Variants in NUP50 observed in about 807,000 individuals in gnomAD.
The protein encoded by NUP50 is nucleoporin 50.
In NUP50, 14 loss-of-function variants were observed where a neutral mutation model predicts 36.8. That is an observed-to-expected ratio of 0.38 (90% CI 0.25 to 0.59). NUP50 has a LOEUF of 0.59. Ranked by LOEUF, NUP50 falls within the 20% of genes least tolerant of loss-of-function variation. NUP50 has a pLI of 0.63. For synonymous variants in NUP50, 195 were observed against 210.8 expected, an observed-to-expected ratio of 0.93 and a Z score of 0.65; for missense variants, 455 against 564.6, an observed-to-expected ratio of 0.81 and a Z score of 1.97.
rs762532625 is a variant in NUP50, at chr22:45,184,637, G to A, written c.1389G>A (p.Leu463=). 7 of 1,612,634 alleles carry A rather than the reference G, an allele frequency of 4.3e-6. No individual in the cohort carries two copies. In the East Asian group the frequency reaches 1.3e-4, roughly 31 times the overall value. ...CAGACGAGTTGCACAAAATTTTACT[G>A]GAGAAAAAGGATGCCTGAACACGCA... ...EDADELHKIL[L]EKKDA is the part of the protein sequence containing the mutation. Residue 463 remains leucine (L), a synonymous_variant, in exon 8 of 8, where the codon CTG becomes CTA. Coordinates refer to ENST00000347635, the MANE Select transcript of NUP50 (RefSeq NM_007172.4).
In NUP50 at chr22:45,165,185, A is replaced by C. The variant is rs184939219; in HGVS notation, c.-11+889A>C. ...TCTCCCACCACGTTGCTTCATACCT[A>C]GAAATCATGTCTAATTTGGTTTTTT... On this transcript the variant is annotated intron_variant, in intron 1 of 7. Coordinates refer to ENST00000347635, the MANE Select transcript of NUP50 (RefSeq NM_007172.4). Among the ~76,000 whole-genome samples the C allele has an allele frequency of 2.2e-4, 33 of 152,298 alleles. 1 individual carries two copies. The highest frequency in any genetic ancestry group is 1.3e-4 in the Non-Finnish European group (9 of 68,024).
chr22:45,176,232 G>T, intron 4 of NUP50, 152 bp downstream of exon 4: 1 of 828,964 alleles, frequency 1.2e-6, no homozygotes, highest in Non-Finnish European at 1.8e-6. Flanking sequence ...GGGAGGTGTC[G>T]GTTACTTACA....
intron 4 of NUP50, among the ~76,000 whole-genome samples, chr22:45,177,289 TC>T (rs2147688970): frequency 6.6e-6 from 1 of 152,180 alleles, no homozygotes; most frequent in African/African-American, 2.4e-5. Flanking sequence ...CAAGTGATCC[TC>T]CCCCATCAGC....
intron 3 of NUP50, among the ~76,000 whole-genome samples, chr22:45,173,438 T>C (rs2074229196): frequency 6.6e-6 from 1 of 151,904 alleles, no homozygotes; most frequent in African/African-American, 2.4e-5. Context: ...TGATGGCTCT[T>C]TCACTGGGAA....
At chr22:45,172,577 G>A (rs1008515027) in intron 3 of NUP50, among the ~76,000 whole-genome samples, 1 of 151,754 alleles carries the variant, frequency 6.6e-6, no homozygotes, top group African/African-American at 2.4e-5. Flanking sequence ...TCTCCTTAAG[G>A]GACATGCAAG....
At chr22:45,166,683 A>G (rs987381544) in intron 1 of NUP50, among the ~76,000 whole-genome samples, 7 of 150,128 alleles carry the variant, frequency 4.7e-5, no homozygotes, top group African/African-American at 1.2e-4. Context: ...AAAATTGCCA[A>G]AAAGAATCCG....
intron 1 of NUP50, among the ~76,000 whole-genome samples, chr22:45,167,775 T>C (rs132861): frequency 0.74 from 112,742 of 152,194 alleles, 42,356 homozygotes; most frequent in East Asian, 0.99. Flanking sequence ...AATTATTTTC[T>C]TTATGACAAG....
chr22:45,173,030 G>A (rs2074221206), intron 3 of NUP50, among the ~76,000 whole-genome samples: 1 of 152,056 alleles, frequency 6.6e-6, no homozygotes, highest in South Asian at 2.1e-4. Context: ...CTCTTTCTCT[G>A]CTCCATTGCA....
intron 2 of NUP50, among the ~76,000 whole-genome samples, chr22:45,169,584 CTT>C (rs2074152508): frequency 1.3e-5 from 2 of 152,304 alleles, no homozygotes; most frequent in African/African-American, 4.8e-5. Context: ...TAATATTACT[CTT>C]TGTTGTACTA....
chr22:45,184,824 C>A lies in NUP50; in HGVS notation c.*169C>A, dbSNP rs2074444672. On this transcript the variant is annotated 3_prime_UTR_variant, in exon 8 of 8. Coordinates refer to ENST00000347635, the MANE Select transcript of NUP50 (RefSeq NM_007172.4). ...AATAAAACCTTTAAATGTTAAGTGT[C>A]AAGAAACTGCACTCTCCCTTCTTAA... 1.6e-6 allele frequency: 1 copy of A among 621,178 alleles called. No homozygotes were observed. The highest frequency in any genetic ancestry group is 3.0e-5 in the Admixed American group (1 of 33,872). 38.5% of individuals were successfully genotyped at this position (621,178 alleles called of 1,614,324 possible).
chr22:45,184,232 G>A (rs1033979940), intron 7 of NUP50: 25 of 562,298 alleles, frequency 4.4e-5, no homozygotes, highest in South Asian at 3.8e-4. Flanking sequence ...GCAGAGACCC[G>A]GGCTGGAGGG....
intron 4 of NUP50, 79 bp from the exon 5 acceptor site, chr22:45,178,159 G>A: frequency 7.7e-7 from 1 of 1,291,354 alleles, no homozygotes; most frequent in South Asian, 1.4e-5. Flanking sequence ...CAGAAAGTAT[G>A]AAGGCAGAGT....
At chr22:45,165,691 ATTC>A (rs747321954) in intron 1 of NUP50, among the ~76,000 whole-genome samples, 24 of 152,260 alleles carry the variant, frequency 1.6e-4, no homozygotes, top group Admixed American at 7.2e-4. Context: ...AATCCAAGTT[ATTC>A]TTCTTCCATG....
intron 6 of NUP50, among the ~76,000 whole-genome samples, 196 bp downstream of exon 6, chr22:45,181,563 G>A (rs541975152): frequency 7.0e-6 from 1 of 142,122 alleles, no homozygotes; most frequent in South Asian, 2.3e-4. Flanking sequence ...TGGTGGGCAG[G>A]TCTCACTCTT....
rs779308040 is a variant in NUP50 at position 45,178,671 on chromosome 22, A to G, written c.774A>G (p.Lys258=). The G allele has an allele frequency of 1.2e-6, 2 of 1,612,036 alleles. No individual in the cohort carries two copies. Among genetic ancestry groups the G allele is most frequent in the Non-Finnish European group, 1.7e-6 (2 of 1,179,854 alleles). Residue 258 remains lysine, a synonymous_variant, in exon 5 of 8, where the codon AAA becomes AAG. Coordinates refer to ENST00000347635, the MANE Select transcript of NUP50 (RefSeq NM_007172.4). ...DKKMEVASEK[K]TDPSSLGATS... The stretch of plus-strand genomic sequence containing the variant: ...AGATGGAGGTGGCATCTGAAAAGAA[A>G]ACGGACCCATCATCACTAGGAGCGA...
In NUP50 at chr22:45,171,581, A is replaced by T; in HGVS notation, c.70-19A>T. On this transcript the variant is annotated intron_variant, in intron 2 of 7. Coordinates refer to ENST00000347635, the MANE Select transcript of NUP50 (RefSeq NM_007172.4). ...GTTTGGCTTTATCTTACTGCTGCTTAATTTGTATTGTATTGCAGGTGGGAA... is the reference window on the plus strand; with the variant it reads ...GTTTGGCTTTATCTTACTGCTGCTTTATTTGTATTGTATTGCAGGTGGGAA... 1.9e-6 allele frequency: 3 copies of T among 1,605,616 alleles called. No individual in the cohort carries two copies. Among genetic ancestry groups the T allele is most frequent in the Non-Finnish European group, 2.6e-6 (3 of 1,172,362 alleles).
intron 3 of NUP50, chr22:45,171,934 G>A (rs2074201401): frequency 4.6e-6 from 2 of 432,152 alleles, no homozygotes; most frequent in African/African-American, 4.0e-5. Flanking sequence ...AGAAAAATGA[G>A]CAAAGCAATA....
rs1191379354 is a variant in NUP50 at position 45,178,306 on chromosome 22, A to G, written c.409A>G (p.Ser137Gly). ...TTCAAATCCCAAAACTAATGGGGAC[A>G]GTCAGCAGCCCTCCTCCTCTGGCCT... ...KVSNPKTNGD[S>G]QQPSSSGLAS... The change falls in exon 5 of 8, where the codon AGT becomes GGT. Residue 137 changes from serine to glycine, a missense_variant. By Grantham distance (56) the Ser-to-Gly change is moderately conservative. Coordinates refer to ENST00000347635, the MANE Select transcript of NUP50 (RefSeq NM_007172.4). 6.2e-7 allele frequency: 1 copy of G among 1,614,050 alleles called. No individual in the cohort carries two copies. The highest frequency in any genetic ancestry group is 8.5e-7 in the Non-Finnish European group (1 of 1,179,880).
Position 45,178,664 on chromosome 22 carries a change from A to G in NUP50, c.767A>G (p.Glu256Gly). The change falls in exon 5 of 8, where the codon GAA becomes GGA. Residue 256 changes from glutamate (E) to glycine (G), a missense_variant. Glu to Gly is a moderately conservative substitution (Grantham distance 98). This residue lies in a region of NUP50 where 287 missense variants were observed against 345.5 expected (regional missense o/e 0.83). Transcript: ENST00000347635. The part of the protein sequence containing the change: ...TPDKKMEVAS[E>G]KKTDPSSLGA... ...GACAAGAAGATGGAGGTGGCATCTG[A>G]AAAGAAAACGGACCCATCATCACTA... 1 of 1,612,052 alleles carries G rather than the reference A, an allele frequency of 6.2e-7. No homozygotes were observed. Among genetic ancestry groups the G allele is most frequent in the Non-Finnish European group, 8.5e-7 (1 of 1,179,858 alleles).
Sources: allele counts gnomAD v4.1 joint callset (sites outside exome capture counted in the v4.1 genomes callset), GRCh38; gene constraint gnomAD v4.1.1; regional missense constraint gnomAD v4.1.1; transcripts MANE v1.5; gene names NCBI Gene and HGNC (gene_info 2026-07-23, HGNC 2026-07-21).